RYR2: variants seen among roughly 807,000 people sequenced by gnomAD.
The protein encoded by RYR2 is cardiac muscle ryanodine receptor-calcium release channel.
Under a neutral mutation model 601.1 loss-of-function variants are expected in RYR2, and 227 were observed. The observed-to-expected ratio is 0.38, with a 90% confidence interval of 0.34 to 0.42. RYR2 has a LOEUF of 0.42. Among genes scored for constraint, RYR2 ranks in the 10% least tolerant of loss-of-function variants. RYR2 has a pLI of 1.00. For missense variants in RYR2, 4,646 were observed against 6,156.5 expected (o/e 0.75, Z 8.21); for synonymous variants, 2,223 against 2,175.1 (o/e 1.02, Z -0.61).
At chr1:237,290,226 A>G (rs993871946) in intron 2 of RYR2, among the ~76,000 whole-genome samples, 2 of 152,258 alleles carry the variant, frequency 1.3e-5, no homozygotes, top group African/African-American at 4.8e-5. Flanking sequence ...ATGCAACGCA[A>G]AATCTTTAAG....
At chr1:237,233,848 G>A (rs1421938906) in intron 1 of RYR2, among the ~76,000 whole-genome samples, 2 of 151,378 alleles carry the variant, frequency 1.3e-5, no homozygotes, top group East Asian at 4.0e-4. Context: ...CACCATGCCT[G>A]GCTAATTTTT....
Position 237,784,864 on chromosome 1 carries a change from G to C in RYR2, c.13152G>C (p.Leu4384=). The C allele has an allele frequency of 6.2e-7, 1 of 1,613,862 alleles. No homozygotes were observed. Among genetic ancestry groups the C allele is most frequent in the Non-Finnish European group, 8.5e-7 (1 of 1,179,854 alleles). ...DLLSDIFGLD[L]KREGGQYKLI... ...TTTCGGACATCTTTGGCCTGGATCT[G>C]AAGAGAGAAGGAGGACAGTACAAAC... is the stretch of plus-strand genomic sequence containing the variant. The change falls in exon 90 of 105, where the codon CTG becomes CTC. Residue 4384 remains leucine, a synonymous_variant. Transcript: ENST00000366574. The surrounding 1 kb of genome is among the most constrained non-coding windows in gnomAD (Gnocchi z 7.1).
chr1:237,063,680 A>G (rs565265665), intron 1 of RYR2, among the ~76,000 whole-genome samples: 1 of 152,176 alleles, frequency 6.6e-6, no homozygotes, highest in East Asian at 1.9e-4. Flanking sequence ...AGATTTACTT[A>G]TATGTTGCAC....
chr1:237,638,448 G>A lies in RYR2; in HGVS notation c.6884G>A (p.Gly2295Glu), dbSNP rs745353015. The change falls in exon 45 of 105, where the codon GGA (glycine) becomes GAA (glutamate). Residue 2295 changes from glycine (G) to glutamate (E), a missense_variant. Coordinates refer to ENST00000366574, the MANE Select transcript of RYR2 (RefSeq NM_001035.3). ...GACATTGGGTGGAACCCAGTTGAAG[G>A]AGAGAGATATCTTGACTTTCTTAGA... is the stretch of plus-strand genomic sequence containing the variant. ...YPDIGWNPVE[G>E]ERYLDFLRFA... is the part of the protein sequence containing the mutation. The A allele has an allele frequency of 1.2e-6, 2 of 1,613,946 alleles. No homozygotes were observed. Among genetic ancestry groups the A allele is most frequent in the Admixed American group, 1.7e-5 (1 of 60,026 alleles).
intron 77 of RYR2, among the ~76,000 whole-genome samples, chr1:237,731,391 CTGAA>C (rs974092812): frequency 3.3e-5 from 5 of 151,980 alleles, no homozygotes; most frequent in African/African-American, 1.2e-4. Flanking sequence ...TTAAAAGTAA[CTGAA>C]AATAAGAAAA....
At chr1:237,582,208 T>C (rs1673987691) in intron 29 of RYR2, among the ~76,000 whole-genome samples, 1 of 152,132 alleles carries the variant, frequency 6.6e-6, no homozygotes, top group Admixed American at 6.5e-5. Flanking sequence ...GTTCAAGCGA[T>C]TCTCCTGCTT....
At chr1:237,392,258 C>A (rs938107768) in intron 10 of RYR2, among the ~76,000 whole-genome samples, 8 of 151,950 alleles carry the variant, frequency 5.3e-5, no homozygotes, top group African/African-American at 1.9e-4. Flanking sequence ...TAGGCTTTTG[C>A]ACAACAGGGT....
At chr1:237,387,999 G>T in intron 9 of RYR2, 88 bp from the exon 10 acceptor site, 1 of 1,225,602 alleles carries the variant, frequency 8.2e-7, no homozygotes, top group South Asian at 1.3e-5. Flanking sequence ...GTTTCTTTAC[G>T]AAAGTAGAAG....
intron 80 of RYR2, among the ~76,000 whole-genome samples, chr1:237,752,637 T>A (rs1692628699): frequency 6.6e-6 from 1 of 152,190 alleles, no homozygotes; most frequent in African/African-American, 2.4e-5. Context: ...TTATCCATAC[T>A]TTTGACTTCC....
At chr1:237,202,803 T>C (rs952954544) in intron 1 of RYR2, among the ~76,000 whole-genome samples, 1 of 152,178 alleles carries the variant, frequency 6.6e-6, no homozygotes, top group Non-Finnish European at 1.5e-5. Context: ...TGCTTCTTCC[T>C]CAGCCGTTTC....
chr1:237,545,751 AAT>A (rs1252057809), intron 25 of RYR2, among the ~76,000 whole-genome samples: 22 of 147,412 alleles, frequency 1.5e-4, no homozygotes, highest in African/African-American at 4.9e-4. Flanking sequence ...TTTCTTGAAA[AAT>A]AAAAAAAAAA....
chr1:237,708,168 A>G (rs891345716), intron 68 of RYR2, among the ~76,000 whole-genome samples: 5 of 152,056 alleles, frequency 3.3e-5, no homozygotes, highest in African/African-American at 9.7e-5. Flanking sequence ...TTTTAAAACA[A>G]TGAATTCAGA....
At chr1:237,046,290 G>A (rs77812763) in intron 1 of RYR2, among the ~76,000 whole-genome samples, 1,591 of 152,260 alleles carry the variant, frequency 0.01, 31 homozygotes, top group African/African-American at 0.036. Flanking sequence ...GCAGAACGAG[G>A]ACTAAAATTC....
chr1:237,745,118 A>G (rs1573774471), intron 80 of RYR2, among the ~76,000 whole-genome samples: 1 of 151,806 alleles, frequency 6.6e-6, no homozygotes, highest in Non-Finnish European at 1.5e-5. Context: ...AATTTTTTTA[A>G]CTCACTGTTA....
intron 98 of RYR2, among the ~76,000 whole-genome samples, chr1:237,804,012 C>T (rs141488432): frequency 2.8e-4 from 43 of 152,242 alleles, no homozygotes; most frequent in African/African-American, 7.7e-4. Flanking sequence ...TGGGGCTAAA[C>T]GTGCCTATTC....
At chr1:237,609,511 A>T (rs112798995) in intron 35 of RYR2, among the ~76,000 whole-genome samples, 13 of 151,950 alleles carry the variant, frequency 8.6e-5, no homozygotes, top group African/African-American at 3.1e-4. Flanking sequence ...TTGGGACTAC[A>T]GGAACATGCC....
chr1:237,830,550 G>A lies in RYR2; in HGVS notation c.14676G>A (p.Gly4892=), dbSNP rs1426865110. 1.9e-6 allele frequency: 3 copies of A among 1,606,192 alleles called. No individual in the cohort carries two copies. The highest frequency in any genetic ancestry group is 2.6e-6 in the Non-Finnish European group (3 of 1,172,878). ...EDMETKCFIC[G]IGNDYFDTVP... Reference sequence around the variant, plus strand: ...TCTAGACCAAATGCTTCATCTGTGGGATAGGCAATGATTACTTCGACACAG... The same window carrying A: ...TCTAGACCAAATGCTTCATCTGTGGAATAGGCAATGATTACTTCGACACAG... The change falls in exon 103 of 105, where the codon GGG becomes GGA. Residue 4892 remains glycine, a synonymous_variant. Coordinates refer to ENST00000366574, the MANE Select transcript of RYR2 (RefSeq NM_001035.3).
Position 237,711,706 on chromosome 1 carries a change from T to A in RYR2, c.10231-39T>A, listed in dbSNP as rs538511988. On this transcript the variant is annotated intron_variant, in intron 70 of 104. Coordinates refer to ENST00000366574, the MANE Select transcript of RYR2 (RefSeq NM_001035.3). The stretch of plus-strand genomic sequence containing the variant: ...TAACCTCTAATTACAAAGACTTCTT[T>A]AAGTGGTTTTAACTGAAATTTCCTT... 266 of 1,038,230 alleles carry A rather than the reference T, an allele frequency of 2.6e-4. 2 individuals carry two copies. In the Middle Eastern group the frequency reaches 7.2e-3, roughly 28 times the overall value. The allele number at this position is 1,038,230 out of a possible 1,614,324, so 64.3% of individuals were successfully genotyped here.
intron 4 of RYR2, 109 bp downstream of exon 4, chr1:237,356,094 C>G: frequency 1.1e-6 from 1 of 901,322 alleles, no homozygotes; most frequent in Non-Finnish European, 1.8e-6. Flanking sequence ...TATTAGTGTT[C>G]AAACTAACTG....
Sources: gnomAD v4.1 joint callset for allele counts (sites outside exome capture counted in the v4.1 genomes callset) on GRCh38, gnomAD v4.1.1 for gene constraint, Gnocchi (gnomAD v3.1) non-coding constraint, MANE v1.5 for transcripts, NCBI Gene and HGNC (gene_info 2026-07-23, HGNC 2026-07-21) for gene names.